Variants in PKN2 observed in about 807,000 individuals in gnomAD.
The protein encoded by PKN2 is protein kinase N2, also known as serine/threonine-protein kinase N2.
In PKN2, 38 loss-of-function variants were observed where a neutral mutation model predicts 119.1. That is an observed-to-expected ratio of 0.32 (90% CI 0.25 to 0.42). The LOEUF is 0.42. Ranked by LOEUF, PKN2 falls within the 10% of genes least tolerant of loss-of-function variation. The pLI is 1.00. For synonymous variants in PKN2, 390 were observed against 384.9 expected (o/e 1.01, Z -0.15); for missense variants, 850 against 1,165.1 (o/e 0.73, Z 3.94).
At chr1:88,749,721 A>T (rs1455229488) in intron 2 of PKN2, among the ~76,000 whole-genome samples, 1 of 152,248 alleles carries the variant, frequency 6.6e-6, no homozygotes, top group African/African-American at 2.4e-5. Flanking sequence ...ATTCTGGAGC[A>T]GTTTATTTTT....
At chr1:88,700,512 G>T (rs116104414) in intron 1 of PKN2, among the ~76,000 whole-genome samples, 38 of 152,226 alleles carry the variant, frequency 2.5e-4, no homozygotes, top group Non-Finnish European at 2.4e-4. Context: ...CAAAAGTAAG[G>T]AGTACATACT....
intron 7 of PKN2, among the ~76,000 whole-genome samples, chr1:88,785,810 C>T (rs1670548358): frequency 6.6e-6 from 1 of 152,130 alleles, no homozygotes; most frequent in South Asian, 2.1e-4. Flanking sequence ...GATTGATATT[C>T]ACACAAACAG....
At chr1:88,716,934 AGTT>A (rs1557561036) in intron 1 of PKN2, among the ~76,000 whole-genome samples, 1 of 152,070 alleles carries the variant, frequency 6.6e-6, no homozygotes, top group East Asian at 1.9e-4. Context: ...GGCTGGTACC[AGTT>A]GTTCCTTTCC....
At chr1:88,720,624 C>T (rs1667638038) in intron 1 of PKN2, among the ~76,000 whole-genome samples, 1 of 152,004 alleles carries the variant, frequency 6.6e-6, no homozygotes, top group African/African-American at 2.4e-5. Context: ...TGTTTCGTGA[C>T]CCTTTTTTTT....
intron 2 of PKN2, among the ~76,000 whole-genome samples, chr1:88,743,195 T>C (rs1240193460): frequency 1.3e-5 from 2 of 152,050 alleles, no homozygotes; most frequent in East Asian, 3.9e-4. Flanking sequence ...GTCTCAAAAA[T>C]AAAAGGTTTA....
At chr1:88,797,438 T>C (rs1357920345) in intron 8 of PKN2, among the ~76,000 whole-genome samples, 3 of 151,190 alleles carry the variant, frequency 2.0e-5, no homozygotes, top group African/African-American at 7.3e-5. Flanking sequence ...GGTCAAGAGA[T>C]CAAGACCATC....
intron 3 of PKN2, among the ~76,000 whole-genome samples, chr1:88,763,076 G>T (rs991387190): frequency 3.0e-4 from 45 of 152,160 alleles, no homozygotes; most frequent in African/African-American, 1.1e-3. Flanking sequence ...CATTCATTTT[G>T]TTTGGGAAAA....
intron 16 of PKN2, among the ~76,000 whole-genome samples, chr1:88,819,295 C>T (rs901469854): frequency 6.6e-6 from 1 of 152,080 alleles, no homozygotes; most frequent in Non-Finnish European, 1.5e-5. Flanking sequence ...GGGCTAATAT[C>T]CAGAATCTAC....
intron 8 of PKN2, among the ~76,000 whole-genome samples, chr1:88,789,340 A>T (rs1237389903): frequency 6.6e-6 from 1 of 152,158 alleles, no homozygotes; most frequent in Non-Finnish European, 1.5e-5. Flanking sequence ...GACAGGAGTG[A>T]AACGGCAAGG....
At chr1:88,771,907 G>A (rs1467458252) in intron 6 of PKN2, 28 bp downstream of exon 6, 3 of 1,498,064 alleles carry the variant, frequency 2.0e-6, no homozygotes, top group Non-Finnish European at 2.8e-6. Context: ...ATTGTTTTTT[G>A]TGTGTATTTT....
intron 1 of PKN2, among the ~76,000 whole-genome samples, chr1:88,711,126 C>T (rs1048117983): frequency 1.3e-5 from 2 of 152,078 alleles, no homozygotes; most frequent in Non-Finnish European, 2.9e-5. Context: ...GAACAACAGA[C>T]ACTGGAGCCT....
rs1320658654 is a variant in PKN2 at position 88,741,435 on chromosome 1, A to G, written c.349+147A>G. On this transcript the variant is annotated intron_variant, in intron 2 of 21. Transcript: ENST00000370521. ...TTCTCTTTTGGTTAAGGTCTTATTTATATTCTGTTTAGAAGGGCAGGAGTT... is the reference window on the plus strand; with the variant it reads ...TTCTCTTTTGGTTAAGGTCTTATTTGTATTCTGTTTAGAAGGGCAGGAGTT... 75 of 531,458 alleles carry G rather than the reference A, an allele frequency of 1.4e-4. No homozygotes were observed. The East Asian group carries it at 2.4e-3, about 17-fold the overall frequency. 32.9% of individuals were successfully genotyped at this position (531,458 alleles called of 1,614,324 possible).
At chr1:88,741,396 A>C in intron 2 of PKN2, 108 bp downstream of exon 2, 1 of 677,424 alleles carries the variant, frequency 1.5e-6, no homozygotes, top group South Asian at 2.8e-5. Context: ...CTTTTCTGAA[A>C]GTAGAGAGAC....
chr1:88,828,321 A>G (rs1672592323), intron 18 of PKN2, among the ~76,000 whole-genome samples, 160 bp from the exon 19 acceptor site: 1 of 152,210 alleles, frequency 6.6e-6, no homozygotes, highest in Non-Finnish European at 1.5e-5. Context: ...TTGCTATACC[A>G]GTCCTTACTG....
chr1:88,781,352 A>T (rs1670334953), intron 6 of PKN2, among the ~76,000 whole-genome samples: 1 of 151,940 alleles, frequency 6.6e-6, no homozygotes, highest in African/African-American at 2.4e-5. Flanking sequence ...GTTTTTTATA[A>T]GAGGATATTT....
chr1:88,714,500 C>T (rs890274298), intron 1 of PKN2, among the ~76,000 whole-genome samples: 33 of 152,072 alleles, frequency 2.2e-4, no homozygotes, highest in African/African-American at 7.5e-4. Flanking sequence ...TCCTTCACAT[C>T]CCTTGTAAGT....
chr1:88,802,135 G>A lies in PKN2; in HGVS notation c.1282-2256G>A, dbSNP rs140930937. The stretch of plus-strand genomic sequence containing the variant: ...CGTAAGAACTGATAGTTGATAGGAG[G>A]CTTTAGAGTAAGGAGCTATTATTCC... On this transcript the variant is annotated intron_variant, in intron 8 of 21. Transcript: ENST00000370521. Among the ~76,000 whole-genome samples, 453 of 152,248 alleles carry A rather than the reference G, an allele frequency of 3.0e-3. 4 individuals carry two copies. The highest frequency in any genetic ancestry group is 0.01 in the African/African-American group (429 of 41,540).
At chr1:88,745,617 G>A (rs1668739937) in intron 2 of PKN2, among the ~76,000 whole-genome samples, 1 of 152,082 alleles carries the variant, frequency 6.6e-6, no homozygotes. Flanking sequence ...AAAATCTCCT[G>A]TGTTCATGAA....
chr1:88,809,657 T>C (rs1671699264), intron 15 of PKN2, among the ~76,000 whole-genome samples: 1 of 152,238 alleles, frequency 6.6e-6, no homozygotes. Context: ...GGTCTCACTG[T>C]GTCACCCACA....
Sources: gnomAD v4.1 joint callset for allele counts (sites outside exome capture counted in the v4.1 genomes callset) on GRCh38, gnomAD v4.1.1 for gene constraint, MANE v1.5 for transcripts, NCBI Gene and HGNC (gene_info 2026-07-23, HGNC 2026-07-21) for gene names.